CCDC83: variants seen among roughly 807,000 people sequenced by gnomAD.
CCDC83 encodes the protein coiled-coil domain-containing protein 83.
In CCDC83, 54 loss-of-function variants were observed where a neutral mutation model predicts 50.1. That is an observed-to-expected ratio of 1.08 (90% confidence interval 0.87 to 1.35). The LOEUF (loss-of-function observed/expected upper bound fraction) is 1.35, where lower values mean the gene tolerates loss of function less well. Among genes scored for constraint, CCDC83 ranks in the 40% most tolerant of loss-of-function variants. The probability of loss-of-function intolerance (pLI) is 0.00; values close to 1 mark genes in which losing one functional copy is unlikely to be tolerated. For synonymous variants in CCDC83, 161 were observed against 153.3 expected, an observed-to-expected ratio of 1.05 and a Z score of -0.37; for missense variants, 518 against 473.9, an observed-to-expected ratio of 1.09 and a Z score of -0.86.
chr11:85,880,635 A>G (rs1405687836), intron 3 of CCDC83, among the ~76,000 whole-genome samples: 6 of 151,454 alleles, frequency 4.0e-5, no homozygotes, highest in Non-Finnish European at 1.5e-5. Context: ...AGTCCTATAC[A>G]TGTTTTGTTA....
chr11:85,872,472 G>A (rs1174806952), intron 2 of CCDC83, among the ~76,000 whole-genome samples: 2 of 151,940 alleles, frequency 1.3e-5, no homozygotes, highest in East Asian at 3.9e-4. Flanking sequence ...GCGACAGAGC[G>A]AGATTCCATC....
At chr11:85,916,704 G>A (rs1428657131) in intron 10 of CCDC83, 9 of 156,326 alleles carry the variant, frequency 5.8e-5, no homozygotes, top group African/African-American at 2.2e-4. Context: ...TGTTGATGCT[G>A]GCTAAACTGA....
chr11:85,892,705 T>G (rs182355500), intron 5 of CCDC83, among the ~76,000 whole-genome samples: 1 of 152,198 alleles, frequency 6.6e-6, no homozygotes, highest in Non-Finnish European at 1.5e-5. Context: ...TTAGATTGAT[T>G]ATTGTGTTTT....
At chr11:85,857,675 C>A (rs1263595386) in intron 1 of CCDC83, among the ~76,000 whole-genome samples, 1 of 152,150 alleles carries the variant, frequency 6.6e-6, no homozygotes, top group East Asian at 1.9e-4. Flanking sequence ...TGCCAGGAGT[C>A]CCTCATAGAT....
At chr11:85,875,022 G>A (rs958663331) in intron 3 of CCDC83, among the ~76,000 whole-genome samples, 2 of 152,162 alleles carry the variant, frequency 1.3e-5, no homozygotes, top group Non-Finnish European at 2.9e-5. Context: ...TGAGCAAGGC[G>A]GGAAGTTTTA....
At chr11:85,868,375 G>C (rs1485691592) in intron 2 of CCDC83, among the ~76,000 whole-genome samples, 4 of 152,050 alleles carry the variant, frequency 2.6e-5, no homozygotes, top group Admixed American at 6.6e-5. Context: ...ATTTGGATCA[G>C]TGATTTGTTT....
At chr11:85,902,333 G>A (rs1277584371) in intron 7 of CCDC83, among the ~76,000 whole-genome samples, 1 of 152,042 alleles carries the variant, frequency 6.6e-6, no homozygotes, top group South Asian at 2.1e-4. Context: ...GAAATGCAAG[G>A]GCTCAGAATA....
intron 1 of CCDC83, among the ~76,000 whole-genome samples, chr11:85,863,699 T>C (rs528716690): frequency 6.6e-6 from 1 of 152,204 alleles, no homozygotes; most frequent in Non-Finnish European, 1.5e-5. Flanking sequence ...CAAAGATCTA[T>C]GTGGATTGCC....
chr11:85,890,534 T>A (rs2093346593), intron 5 of CCDC83, among the ~76,000 whole-genome samples: 1 of 152,160 alleles, frequency 6.6e-6, no homozygotes, highest in Admixed American at 6.5e-5. Flanking sequence ...ATCAAGGGAA[T>A]GCAGATGAAA....
chr11:85,882,815 C>G (rs2093308002), intron 4 of CCDC83, 140 bp downstream of exon 4: 1 of 740,018 alleles, frequency 1.4e-6, no homozygotes, highest in African/African-American at 1.8e-5. Context: ...GCCACAAACA[C>G]ATGTAGGTAA....
upstream of CCDC83, chr11:85,855,299 A>C (rs2093132911): frequency 6.6e-6 from 1 of 152,600 alleles, no homozygotes; most frequent in Non-Finnish European, 1.5e-5. Flanking sequence ...CTTCCCCCCG[A>C]CCACCCTCCA....
intron 1 of CCDC83, among the ~76,000 whole-genome samples, chr11:85,863,871 G>A (rs987244096): frequency 3.3e-5 from 5 of 152,148 alleles, no homozygotes; most frequent in African/African-American, 1.2e-4. Context: ...AGAGGAAGGG[G>A]CACTATACAG....
At chr11:85,860,071 A>G (rs10898421) in intron 1 of CCDC83, among the ~76,000 whole-genome samples, 83,295 of 151,934 alleles carry the variant, frequency 0.55, 23,265 homozygotes, top group African/African-American at 0.61. Context: ...GTCAGATCAC[A>G]AGGTCAGGAG....
intron 2 of CCDC83, among the ~76,000 whole-genome samples, chr11:85,872,138 G>T (rs2093241307): frequency 6.6e-6 from 1 of 151,922 alleles, no homozygotes. Context: ...TTTCTAGTAG[G>T]GACAGGGTTT....
chr11:85,857,525 C>T lies in CCDC83; in HGVS notation c.-29+1941C>T, dbSNP rs11823683. 8.8e-3 allele frequency among the ~76,000 whole-genome samples: 1,338 copies of T among 152,292 alleles called. 15 individuals carry two copies. The highest frequency in any genetic ancestry group is 0.029 in the African/African-American group (1,222 of 41,554). On this transcript the variant is annotated intron_variant, in intron 1 of 10. Coordinates refer to ENST00000342404, the MANE Select transcript of CCDC83 (RefSeq NM_001286159.2). ...CACACCAAGTACCCACAGCTCTTGTCGGGGATGTGAGGCATCTTCAAGGAG... is the reference window on the plus strand; with the variant it reads ...CACACCAAGTACCCACAGCTCTTGTTGGGGATGTGAGGCATCTTCAAGGAG...
chr11:85,855,211 G>C (rs1490634340), upstream of CCDC83: 1 of 152,392 alleles, frequency 6.6e-6, no homozygotes, highest in Non-Finnish European at 1.5e-5. Flanking sequence ...GCAGGCTGTG[G>C]AGGGGATGTC....
chr11:85,915,283 TA>T, intron 8 of CCDC83, 135 bp from the exon 9 acceptor site: 2 of 629,292 alleles, frequency 3.2e-6, no homozygotes, highest in South Asian at 4.1e-5. Context: ...CACTGGGCTT[TA>T]TGCTCCTCAG....
intron 7 of CCDC83, among the ~76,000 whole-genome samples, chr11:85,909,020 A>G (rs758310734): frequency 1.2e-4 from 19 of 152,106 alleles, no homozygotes; most frequent in Non-Finnish European, 2.2e-4. Context: ...TGTAACATTG[A>G]ACTTCTGGGC....
intron 1 of CCDC83, among the ~76,000 whole-genome samples, 157 bp from the exon 2 acceptor site, chr11:85,864,936 CATG>C (rs1185919511): frequency 1.3e-5 from 2 of 152,290 alleles, no homozygotes; most frequent in East Asian, 3.9e-4. Flanking sequence ...CCAATCATTT[CATG>C]ATGTTCCACC....
Sources: gnomAD v4.1 joint callset for allele counts (sites outside exome capture counted in the v4.1 genomes callset) on GRCh38, gnomAD v4.1.1 for gene constraint, MANE v1.5 for transcripts, NCBI Gene and HGNC (gene_info 2026-07-23, HGNC 2026-07-21) for gene names.